PTPRD: variants seen among roughly 807,000 people sequenced by gnomAD.
PTPRD encodes the protein receptor-type tyrosine-protein phosphatase delta.
A neutral mutation model predicts 214.5 loss-of-function variants in PTPRD; 34 were observed. The ratio of observed to expected loss-of-function variants is 0.16; its 90% confidence interval spans 0.12 to 0.21. The LOEUF (loss-of-function observed/expected upper bound fraction) is 0.21, where lower values mean the gene tolerates loss of function less well. PTPRD is among the 10% of genes least tolerant of loss of function. The pLI, the probability that PTPRD is intolerant of heterozygous loss-of-function variation, is 1.00. For missense variants in PTPRD, 2,545 were observed against 2,398.7 expected (o/e 1.06, Z -1.27); for synonymous variants, 1,128 against 845.7 (o/e 1.33, Z -5.79).
chr9:9,077,816 C>A (rs1044304897), intron 10 of PTPRD, among the ~76,000 whole-genome samples: 2 of 151,988 alleles, frequency 1.3e-5, no homozygotes, highest in African/African-American at 4.8e-5. Flanking sequence ...GGGAATGACC[C>A]CAGCTTAACC....
chr9:10,094,164 T>A (rs1392258960), intron 3 of PTPRD, among the ~76,000 whole-genome samples: 1 of 151,510 alleles, frequency 6.6e-6, no homozygotes, highest in Non-Finnish European at 1.5e-5. Context: ...ACCGCTGTCT[T>A]GGTTTTAATA....
At chr9:9,856,543 C>A (rs1209334028) in intron 5 of PTPRD, among the ~76,000 whole-genome samples, 2 of 150,554 alleles carry the variant, frequency 1.3e-5, no homozygotes, top group Non-Finnish European at 3.0e-5. Flanking sequence ...GGAGTAAAGC[C>A]AAAAGACAGG....
chr9:10,086,457 C>T (rs2098339629), intron 3 of PTPRD, among the ~76,000 whole-genome samples: 1 of 151,756 alleles, frequency 6.6e-6, no homozygotes, highest in Admixed American at 6.6e-5. Context: ...TATTGCCTGT[C>T]TCAGTGGTAT....
At chr9:8,951,681 G>A (rs1223626802) in intron 11 of PTPRD, among the ~76,000 whole-genome samples, 2 of 152,002 alleles carry the variant, frequency 1.3e-5, no homozygotes, top group African/African-American at 4.8e-5. Flanking sequence ...CATTCAGGCA[G>A]TTAGGGAATC....
In PTPRD at chr9:8,361,749, T is replaced by G. The variant is rs541162620; in HGVS notation, c.4661+14187A>C. 2.6e-5 allele frequency among the ~76,000 whole-genome samples: 4 copies of G among 152,338 alleles called. No individual in the cohort carries two copies. In the East Asian group the frequency reaches 7.7e-4, roughly 29 times the overall value. ...TGTGTGATGCGTGCTTGGGGGTTCA[T>G]TATACATTCTCTCCACTTTGGGGTA... On this transcript the variant is annotated intron_variant, in intron 39 of 45. Coordinates refer to ENST00000381196, the MANE Select transcript of PTPRD (RefSeq NM_002839.4).
chr9:9,034,224 T>A (rs932568875), intron 10 of PTPRD, among the ~76,000 whole-genome samples: 2 of 152,122 alleles, frequency 1.3e-5, no homozygotes, highest in African/African-American at 4.8e-5. Context: ...TATAGGTGAA[T>A]CCTGGAACCT....
At chr9:9,842,105 T>C (rs1449503669) in intron 5 of PTPRD, among the ~76,000 whole-genome samples, 11 of 151,984 alleles carry the variant, frequency 7.2e-5, no homozygotes, top group South Asian at 6.2e-4. Flanking sequence ...TACATATTTA[T>C]ACACTCATCT....
chr9:9,739,672 A>G (rs1019332313), intron 6 of PTPRD, among the ~76,000 whole-genome samples: 1 of 151,392 alleles, frequency 6.6e-6, no homozygotes, highest in African/African-American at 2.4e-5. Flanking sequence ...CCTCTGTTGT[A>G]TGCAGTACAA....
chr9:8,633,214 C>T (rs2096308739), intron 14 of PTPRD, 103 bp downstream of exon 14: 2 of 1,377,306 alleles, frequency 1.5e-6, no homozygotes, highest in African/African-American at 1.5e-5. Context: ...AACTGAGTTT[C>T]CCATTTAAGC....
At chr9:8,591,464 C>A (rs748164067) in intron 14 of PTPRD, among the ~76,000 whole-genome samples, 3 of 152,040 alleles carry the variant, frequency 2.0e-5, no homozygotes, top group Non-Finnish European at 4.4e-5. Context: ...ATACACTGAT[C>A]CAAGGTGTTT....
intron 12 of PTPRD, among the ~76,000 whole-genome samples, chr9:8,688,711 C>CGTGTG (rs2097743626): frequency 6.6e-6 from 1 of 152,062 alleles, no homozygotes; most frequent in Admixed American, 6.5e-5. Flanking sequence ...CCATAATAAC[C>CGTGTG]CTTGCAATGG....
At chr9:10,157,063 T>C (rs1281599450) in intron 3 of PTPRD, among the ~76,000 whole-genome samples, 2 of 152,200 alleles carry the variant, frequency 1.3e-5, no homozygotes, top group African/African-American at 4.8e-5. Context: ...AGAATACCAT[T>C]GCATCTTGGT....
intron 4 of PTPRD, among the ~76,000 whole-genome samples, chr9:10,024,810 G>C (rs2096890799): frequency 8.3e-6 from 1 of 121,178 alleles, no homozygotes. Flanking sequence ...GCCCCAGTGT[G>C]TGATGTTCCC....
chr9:9,178,947 T>C (rs2099926527), intron 10 of PTPRD, among the ~76,000 whole-genome samples: 1 of 152,050 alleles, frequency 6.6e-6, no homozygotes, highest in African/African-American at 2.4e-5. Flanking sequence ...ATCAAAGATC[T>C]CTTTTAGAGA....
intron 3 of PTPRD, among the ~76,000 whole-genome samples, chr9:10,065,423 T>C (rs1035018832): frequency 2.6e-5 from 4 of 151,954 alleles, no homozygotes; most frequent in Non-Finnish European, 1.5e-5. Context: ...TTTCATGCTT[T>C]GAAGCAAGAA....
chr9:9,644,205 C>T (rs2096067784), intron 7 of PTPRD, among the ~76,000 whole-genome samples: 1 of 152,108 alleles, frequency 6.6e-6, no homozygotes, highest in Non-Finnish European at 1.5e-5. Context: ...GTAGCCTTAT[C>T]CAACCCTCTT....
Position 8,317,112 on chromosome 9 carries a change from A to AAT in PTPRD, c.*760_*761dup, listed in dbSNP as rs958540399. Reference sequence around the variant, plus strand: ...CCAATCAAAACTGAAGTGTAAAATTAATATATCTGACGAGACTGATACTGT... The same window carrying AAT: ...CCAATCAAAACTGAAGTGTAAAATTAATATATATCTGACGAGACTGATACTGT... On this transcript the variant is annotated 3_prime_UTR_variant, in exon 46 of 46. Transcript: ENST00000381196. 5 of 231,914 alleles carry AAT rather than the reference A, an allele frequency of 2.2e-5. No homozygotes were observed. Among genetic ancestry groups the AAT allele is most frequent in the African/African-American group, 1.1e-4 (5 of 45,238 alleles). The allele number at this position is 231,914 out of a possible 1,614,324, so 14.4% of individuals were successfully genotyped here. A position where few individuals can be genotyped will look rare whatever the true frequency, so the allele number is the denominator to read the frequency against.
At chr9:10,071,630 C>G (rs2098018996) in intron 3 of PTPRD, among the ~76,000 whole-genome samples, 1 of 151,932 alleles carries the variant, frequency 6.6e-6, no homozygotes, top group African/African-American at 2.4e-5. Context: ...CAAAAATTAA[C>G]TCAAACAAGG....
chr9:9,737,164 T>C (rs544745454), intron 6 of PTPRD, among the ~76,000 whole-genome samples: 1 of 152,088 alleles, frequency 6.6e-6, no homozygotes, highest in Non-Finnish European at 1.5e-5. Context: ...ATTTTCAAAC[T>C]GCTCTACAAT....
Sources: gnomAD v4.1 joint callset for allele counts (sites outside exome capture counted in the v4.1 genomes callset) on GRCh38, gnomAD v4.1.1 for gene constraint, MANE v1.5 for transcripts, NCBI Gene and HGNC (gene_info 2026-07-23, HGNC 2026-07-21) for gene names.